Variants in UBR3 observed in about 807,000 individuals in gnomAD.
The protein encoded by UBR3 is ubiquitin protein ligase E3 component n-recognin 3.
In UBR3, 85 loss-of-function variants were observed where a neutral mutation model predicts 243.2. The ratio of observed to expected loss-of-function variants is 0.35; its 90% CI spans 0.29 to 0.42. The LOEUF is 0.42. Among genes scored for constraint, UBR3 ranks in the 10% least tolerant of loss-of-function variants. The pLI, the probability that UBR3 is intolerant of heterozygous loss-of-function variation, is 1.00. For missense variants in UBR3, 1,686 were observed against 2,300.8 expected (o/e 0.73, Z 5.47); for synonymous variants, 748 against 799.8 (o/e 0.94, Z 1.09).
At chr2:169,863,077 GTTAT>G (rs1375077382) in intron 1 of UBR3, among the ~76,000 whole-genome samples, 2 of 152,076 alleles carry the variant, frequency 1.3e-5, no homozygotes, top group African/African-American at 4.8e-5. Flanking sequence ...ATGTGGTTTC[GTTAT>G]TTGAGTTGGC....
chr2:170,056,301 C>T (rs1239124496), intron 33 of UBR3, among the ~76,000 whole-genome samples: 3 of 152,026 alleles, frequency 2.0e-5, no homozygotes, highest in Non-Finnish European at 2.9e-5. Flanking sequence ...CCACCGCGCC[C>T]GGCCAGTCCT....
intron 11 of UBR3, among the ~76,000 whole-genome samples, chr2:169,915,926 T>G (rs2085445935): frequency 6.6e-6 from 1 of 152,202 alleles, no homozygotes; most frequent in Non-Finnish European, 1.5e-5. Flanking sequence ...TTAAGCTTAG[T>G]TTCTGCTTGT....
chr2:169,963,141 A>G (rs2105370503), intron 24 of UBR3, among the ~76,000 whole-genome samples: 1 of 152,226 alleles, frequency 6.6e-6, no homozygotes, highest in Admixed American at 6.5e-5. Context: ...CTGTGAGGTA[A>G]ATGCCAAGCC....
chr2:169,987,789 ACT>A (rs2089088888), intron 25 of UBR3, among the ~76,000 whole-genome samples: 2 of 152,136 alleles, frequency 1.3e-5, no homozygotes, highest in Admixed American at 1.3e-4. Flanking sequence ...TAGGGTGTTA[ACT>A]CTCTGAATTA....
At chr2:169,853,270 T>G (rs1166510917) in intron 1 of UBR3, among the ~76,000 whole-genome samples, 1 of 152,224 alleles carries the variant, frequency 6.6e-6, no homozygotes, top group Non-Finnish European at 1.5e-5. Flanking sequence ...TTTAGAACTT[T>G]CAGTTTTGTC....
intron 17 of UBR3, 70 bp from the exon 18 acceptor site, chr2:169,928,657 T>A: frequency 7.8e-7 from 1 of 1,279,142 alleles, no homozygotes; most frequent in East Asian, 2.6e-5. Flanking sequence ...AATGAGAAAC[T>A]AGAGTACCTT....
chr2:169,993,507 G>A (rs1451247772), intron 25 of UBR3, among the ~76,000 whole-genome samples: 1 of 152,194 alleles, frequency 6.6e-6, no homozygotes, highest in Non-Finnish European at 1.5e-5. Flanking sequence ...CAAGTTGGTT[G>A]TTCCATAGAA....
chr2:170,011,712 G>T (rs1472035890), intron 29 of UBR3, among the ~76,000 whole-genome samples: 1 of 149,736 alleles, frequency 6.7e-6, no homozygotes, highest in Non-Finnish European at 1.5e-5. Flanking sequence ...ATTTTCTGAG[G>T]GTATCAGAGA....
Position 169,981,163 on chromosome 2 carries a change from T to C in UBR3, c.3635-5482T>C, listed in dbSNP as rs539068074. Among the ~76,000 whole-genome samples the C allele has an allele frequency of 2.6e-5, 4 of 152,224 alleles. No homozygotes were observed. The East Asian group carries it at 7.7e-4, about 29-fold the overall frequency. ...GAAGTTTCCTATGCAGAAGAATACCTAGTATTTTATGTAGAGCCTTTACCC... is the reference window on the plus strand; with the variant it reads ...GAAGTTTCCTATGCAGAAGAATACCCAGTATTTTATGTAGAGCCTTTACCC... On this transcript the variant is annotated intron_variant, in intron 24 of 38. Coordinates refer to ENST00000272793, the MANE Select transcript of UBR3 (RefSeq NM_172070.4).
chr2:169,877,526 C>T lies in UBR3; in HGVS notation c.877C>T (p.His293Tyr). Residue 293 changes from histidine (H) to tyrosine (Y), a missense_variant, in exon 4 of 39, where the codon CAT becomes TAT. Physicochemically the swap from His to Tyr is moderately conservative, Grantham distance 83. This residue lies in a region of UBR3 where 200 missense variants were observed against 231.6 expected (regional missense o/e 0.86). Transcript: ENST00000272793. ...LGENACVKKS[H>Y]EKYLIALKSS... Reference sequence around the variant, plus strand: ...AGAAAATGCTTGTGTAAAGAAAAGTCATGAAAAGTACCTTATAGCTTTAAA... The same window carrying T: ...AGAAAATGCTTGTGTAAAGAAAAGTTATGAAAAGTACCTTATAGCTTTAAA... The T allele has an allele frequency of 6.5e-7, 1 of 1,537,448 alleles. No homozygotes were observed. Among genetic ancestry groups the T allele is most frequent in the Non-Finnish European group, 8.7e-7 (1 of 1,144,018 alleles).
rs6726914 is a variant in UBR3, at chr2:170,025,564, C to T, written c.4454-3782C>T. ...ACTAGCTCATAAAGGGCTTTCTATG[C>T]CTGTTCCTTCAGTGGTTCAGCAATC... On this transcript the variant is annotated intron_variant, in intron 30 of 38. Transcript: ENST00000272793. 2.8e-3 allele frequency among the ~76,000 whole-genome samples: 421 copies of T among 152,246 alleles called. 2 individuals carry two copies. The highest frequency in any genetic ancestry group is 9.6e-3 in the African/African-American group (399 of 41,554).
At chr2:170,075,923 A>C (rs2091798198) in intron 36 of UBR3, among the ~76,000 whole-genome samples, 3 of 152,140 alleles carry the variant, frequency 2.0e-5, no homozygotes, top group Admixed American at 2.0e-4. Flanking sequence ...GAAAAAAAAA[A>C]AAAAACAGGA....
intron 1 of UBR3, among the ~76,000 whole-genome samples, chr2:169,864,440 G>T (rs993796898): frequency 2.0e-5 from 3 of 152,082 alleles, no homozygotes; most frequent in Non-Finnish European, 4.4e-5. Context: ...TAAATGGGTC[G>T]CAGATTATTA....
intron 24 of UBR3, among the ~76,000 whole-genome samples, chr2:169,965,365 A>G (rs1196635382): frequency 6.6e-6 from 1 of 152,156 alleles, no homozygotes; most frequent in Non-Finnish European, 1.5e-5. Context: ...GACATAAATA[A>G]TCTGTATAGT....
At chr2:169,900,833 T>C (rs2084793559) in intron 8 of UBR3, among the ~76,000 whole-genome samples, 1 of 152,164 alleles carries the variant, frequency 6.6e-6, no homozygotes, top group Admixed American at 6.5e-5. Context: ...CATTGTTCTA[T>C]TGAAATCTAC....
intron 1 of UBR3, among the ~76,000 whole-genome samples, chr2:169,829,597 A>AT (rs1201968320): frequency 2.0e-5 from 3 of 151,658 alleles, no homozygotes; most frequent in Middle Eastern, 3.4e-3. Flanking sequence ...CTAATTTTGT[A>AT]TTTTTTTAGT....
intron 1 of UBR3, among the ~76,000 whole-genome samples, chr2:169,865,950 G>A (rs535274150): frequency 1.3e-5 from 2 of 152,030 alleles, no homozygotes; most frequent in East Asian, 3.9e-4. Flanking sequence ...AGGAGTTCGG[G>A]ACCAACCTGG....
chr2:169,920,106 T>C (rs923512808), intron 11 of UBR3, among the ~76,000 whole-genome samples: 2 of 152,182 alleles, frequency 1.3e-5, no homozygotes, highest in African/African-American at 4.8e-5. Flanking sequence ...GTGGCAGATA[T>C]ACGCCATGGA....
chr2:169,915,488 A>C (rs1410543553), intron 11 of UBR3, among the ~76,000 whole-genome samples: 5 of 152,128 alleles, frequency 3.3e-5, no homozygotes, highest in Non-Finnish European at 7.4e-5. Flanking sequence ...CACCCGCCTC[A>C]GCCTCCCAAA....
Sources: gnomAD v4.1 joint callset for allele counts (sites outside exome capture counted in the v4.1 genomes callset) on GRCh38, gnomAD v4.1.1 for gene constraint, gnomAD v4.1.1 regional missense constraint, MANE v1.5 for transcripts, NCBI Gene and HGNC (gene_info 2026-07-23, HGNC 2026-07-21) for gene names.